The following STXBP6 variants were observed in gnomAD, a reference collection of about 807,000 sequenced individuals.
STXBP6 encodes the protein syntaxin binding protein 6.
STXBP6 carries 21 observed loss-of-function variants against 26.9 expected under a neutral mutation model. The observed-to-expected ratio is 0.78, with a 90% CI of 0.55 to 1.12. The LOEUF (loss-of-function observed/expected upper bound fraction) is 1.12. Among genes scored for constraint, STXBP6 ranks in the 50% most tolerant of loss-of-function variants. The pLI is 0.00. For synonymous variants in STXBP6, 97 were observed against 92.6 expected, an observed-to-expected ratio of 1.05 and a Z score of -0.27; for missense variants, 232 against 257.9, an observed-to-expected ratio of 0.90 and a Z score of 0.69.
chr14:24,818,990 C>G lies in STXBP6; in HGVS notation c.609+47G>C, dbSNP rs777797551. 5 of 1,510,204 alleles carry G rather than the reference C, an allele frequency of 3.3e-6. No individual in the cohort carries two copies. In the South Asian group the frequency reaches 6.8e-5, roughly 21 times the overall value. The allele number at this position is 1,510,204 out of a possible 1,614,324, so 93.6% of individuals were successfully genotyped here. On this transcript the variant is annotated intron_variant, in intron 5 of 5. Coordinates refer to ENST00000323944, the MANE Select transcript of STXBP6 (RefSeq NM_001394410.1). The stretch of plus-strand genomic sequence containing the variant: ...GAAATAAAGTTTCTTGGCACTGTAG[C>G]TCCCCAACACCCCAGAGCTGAGAAG...
At chr14:24,838,802 T>C (rs1388604413) in intron 4 of STXBP6, among the ~76,000 whole-genome samples, 2 of 152,096 alleles carry the variant, frequency 1.3e-5, no homozygotes, top group African/African-American at 4.8e-5. Flanking sequence ...GTGAGCAAGA[T>C]TGAGCATAAA....
At chr14:24,914,918 T>C (rs1295556458) in intron 2 of STXBP6, among the ~76,000 whole-genome samples, 1 of 152,222 alleles carries the variant, frequency 6.6e-6, no homozygotes, top group African/African-American at 2.4e-5. Context: ...GTTTCAAACA[T>C]GCAAGTGCCA....
intron 2 of STXBP6, among the ~76,000 whole-genome samples, chr14:24,971,242 C>A (rs548642198): frequency 6.6e-6 from 1 of 152,082 alleles, no homozygotes; most frequent in Non-Finnish European, 1.5e-5. Context: ...AAAAATCACA[C>A]AAAGAAAAGT....
intron 5 of STXBP6, among the ~76,000 whole-genome samples, chr14:24,814,247 C>A (rs923582955): frequency 2.6e-5 from 4 of 152,210 alleles, no homozygotes; most frequent in African/African-American, 7.2e-5. Flanking sequence ...GTGCAAATGG[C>A]AGAGCCAGGG....
rs369815514 is a variant in STXBP6, at chr14:24,901,439, C to T, written c.155-44282G>A. Among the ~76,000 whole-genome samples the T allele has an allele frequency of 4.1e-4, 62 of 152,246 alleles. 1 individual carries two copies. Among genetic ancestry groups the T allele is most frequent in the African/African-American group, 1.5e-3 (61 of 41,556 alleles). ...ATTTCAAGCACAGTGTAAAATATTA[C>T]AACCACTGGGAAAACTGTTGGCAGT... On this transcript the variant is annotated intron_variant, in intron 2 of 5. Transcript: ENST00000323944.
chr14:24,941,520 A>G lies in STXBP6; in HGVS notation c.154+33145T>C, dbSNP rs546997251. 1.2e-4 allele frequency among the ~76,000 whole-genome samples: 19 copies of G among 152,350 alleles called. No individual in the cohort carries two copies. The South Asian group carries it at 3.7e-3, about 30-fold the overall frequency. Reference sequence around the variant, plus strand: ...TGGCATGAAGGTTGTATGTAGCGGTAGGGAAAAGGGTGGCTAGAAATGAGC... The same window carrying G: ...TGGCATGAAGGTTGTATGTAGCGGTGGGGAAAAGGGTGGCTAGAAATGAGC... On this transcript the variant is annotated intron_variant, in intron 2 of 5. Coordinates refer to ENST00000323944, the MANE Select transcript of STXBP6 (RefSeq NM_001394410.1).
chr14:24,917,369 T>C (rs1347885162), intron 2 of STXBP6, among the ~76,000 whole-genome samples: 2 of 152,190 alleles, frequency 1.3e-5, no homozygotes, highest in Non-Finnish European at 2.9e-5. Context: ...CTGTAACTCA[T>C]TGAAGAGACG....
At chr14:24,815,537 C>T (rs943656233) in intron 5 of STXBP6, 2 of 151,262 alleles carry the variant, frequency 1.3e-5, no homozygotes, top group African/African-American at 4.9e-5. Context: ...AAGACCCAGA[C>T]CTGAGCTCCT....
chr14:24,964,596 G>C (rs929097051), intron 2 of STXBP6, among the ~76,000 whole-genome samples: 5 of 151,580 alleles, frequency 3.3e-5, no homozygotes, highest in African/African-American at 7.3e-5. Context: ...CCATTTTATA[G>C]ATGAGAAAAC....
chr14:24,992,347 T>A (rs2074495065), intron 1 of STXBP6, among the ~76,000 whole-genome samples: 1 of 151,904 alleles, frequency 6.6e-6, no homozygotes, highest in Non-Finnish European at 1.5e-5. Context: ...TGACCAATGC[T>A]GCAAAGGCAC....
intron 4 of STXBP6, among the ~76,000 whole-genome samples, chr14:24,845,924 G>A (rs942073691): frequency 6.6e-6 from 1 of 152,174 alleles, no homozygotes. Flanking sequence ...TCTAGAAGGT[G>A]GAAAAGGCAA....
At chr14:24,931,124 A>AG in intron 2 of STXBP6, among the ~76,000 whole-genome samples, 1 of 134,724 alleles carries the variant, frequency 7.4e-6, no homozygotes, top group Non-Finnish European at 1.6e-5. Context: ...TCTCAAAAAA[A>AG]AAAAAAAAAA....
At chr14:25,045,634 A>C in intron 1 of STXBP6, among the ~76,000 whole-genome samples, 1 of 134,830 alleles carries the variant, frequency 7.4e-6, no homozygotes, top group African/African-American at 2.7e-5. Flanking sequence ...ATGGAGATTC[A>C]CTCTTGTTGC....
chr14:24,980,496 A>G (rs987921489), intron 1 of STXBP6, among the ~76,000 whole-genome samples: 34 of 152,228 alleles, frequency 2.2e-4, no homozygotes, highest in African/African-American at 7.0e-4. Context: ...ACTAGTTCTT[A>G]TAAGTAGATT....
Position 24,812,346 on chromosome 14 carries a change from G to T in STXBP6, c.*363C>A. On this transcript the variant is annotated 3_prime_UTR_variant, in exon 6 of 6. Coordinates refer to ENST00000323944, the MANE Select transcript of STXBP6 (RefSeq NM_001394410.1). ...AATATCAGAGAAAAAAATACATGTT[G>T]CCAGTTTAGACTCAGCGCAGTTTAT... 1 of 180,584 alleles carries T rather than the reference G, an allele frequency of 5.5e-6. No individual in the cohort carries two copies. The allele number at this position is 180,584 out of a possible 1,614,324, so 11.2% of individuals were successfully genotyped here. A position where few individuals can be genotyped will look rare whatever the true frequency, so the allele number is the denominator to read the frequency against.
intron 4 of STXBP6, among the ~76,000 whole-genome samples, chr14:24,847,494 C>T (rs1034707816): frequency 1.4e-4 from 21 of 152,060 alleles, no homozygotes; most frequent in African/African-American, 4.6e-4. Context: ...ATCCTTCCTT[C>T]GAAAATGGTT....
rs148546322 is a variant in STXBP6, at chr14:24,994,122, C to G, written c.-32-19272G>C. ...TATCTGAAATACATACTTTGCTTCT[C>G]TCTTCTGACTGGACCCTGACTCATG... On this transcript the variant is annotated intron_variant, in intron 1 of 5. Transcript: ENST00000323944. Among the ~76,000 whole-genome samples the G allele has an allele frequency of 6.4e-3, 968 of 152,266 alleles. 9 individuals carry two copies. The highest frequency in any genetic ancestry group is 0.022 in the African/African-American group (921 of 41,544).
chr14:24,884,683 G>A (rs571509424), intron 2 of STXBP6, among the ~76,000 whole-genome samples: 3 of 152,192 alleles, frequency 2.0e-5, no homozygotes, highest in South Asian at 2.1e-4. Context: ...CTGGCAAATC[G>A]ATCTTCAATG....
At chr14:24,861,774 T>C (rs1214654088) in intron 2 of STXBP6, among the ~76,000 whole-genome samples, 1 of 152,136 alleles carries the variant, frequency 6.6e-6, no homozygotes, top group Non-Finnish European at 1.5e-5. Flanking sequence ...CACTATTTCT[T>C]AGTGTGTTAT....
Sources: gnomAD v4.1 joint callset for allele counts (sites outside exome capture counted in the v4.1 genomes callset) on GRCh38, gnomAD v4.1.1 for gene constraint, MANE v1.5 for transcripts, NCBI Gene and HGNC (gene_info 2026-07-23, HGNC 2026-07-21) for gene names.